TEDC1: variants seen among roughly 807,000 people sequenced by gnomAD.
TEDC1 encodes the protein tubulin epsilon and delta complex protein 1.
A neutral mutation model predicts 59.9 loss-of-function variants in TEDC1; 54 were observed. The ratio of observed to expected loss-of-function variants is 0.90; its 90% CI spans 0.72 to 1.13. TEDC1 has a LOEUF of 1.13. TEDC1 is among the 50% of genes most tolerant of loss of function. The pLI, the probability that TEDC1 is intolerant of heterozygous loss-of-function variation, is 0.00. For synonymous variants in TEDC1, 353 were observed against 298.1 expected (o/e 1.18, Z -1.90); for missense variants, 734 against 683.4 (o/e 1.07, Z -0.83).
chr14:105,491,079 C>G (rs2084193919), upstream of TEDC1: 2 of 1,551,388 alleles, frequency 1.3e-6, no homozygotes, highest in Non-Finnish European at 1.7e-6. Context: ...AAGGCGGGAC[C>G]CTGCCGACGC....
upstream of TEDC1, chr14:105,490,496 C>T (rs1178193124): frequency 2.0e-5 from 3 of 152,252 alleles, no homozygotes; most frequent in Admixed American, 6.5e-5. Flanking sequence ...CGGGGCCGCC[C>T]GTGCAGGCGG....
At chr14:105,493,966 G>A (rs782034453) in intron 5 of TEDC1, 33 bp downstream of exon 5, 4 of 800,820 alleles carry the variant, frequency 5.0e-6, no homozygotes, top group East Asian at 2.8e-5. Context: ...GGGGGGGTGG[G>A]GGTGGGCTGG....
chr14:105,493,989 G>A lies in TEDC1; in HGVS notation c.684+56G>A, dbSNP rs1247562831. The stretch of plus-strand genomic sequence containing the variant: ...GGGGGTGGGCTGGGGGGCACAGCAG[G>A]GGGACTGCCCAGGGTGGGAGGGGCC... On this transcript the variant is annotated intron_variant, in intron 5 of 8. Coordinates refer to ENST00000392523, the MANE Select transcript of TEDC1 (RefSeq NM_001367178.1). 58 of 796,210 alleles carry A rather than the reference G, an allele frequency of 7.3e-5. 1 individual carries two copies. Among genetic ancestry groups the A allele is most frequent in the Non-Finnish European group, 2.0e-5 (11 of 540,154 alleles). 49.3% of individuals were successfully genotyped at this position (796,210 alleles called of 1,614,324 possible). A position where few individuals can be genotyped will look rare whatever the true frequency, so the allele number is the denominator to read the frequency against.
intron 5 of TEDC1, chr14:105,494,176 C>T (rs1274219528): frequency 2.5e-5 from 14 of 569,938 alleles, no homozygotes; most frequent in African/African-American, 2.1e-4. Context: ...CGGGTGGGGG[C>T]CCAGGACGCA....
chr14:105,494,045 G>T, intron 5 of TEDC1, 112 bp downstream of exon 5: 2 of 811,996 alleles, frequency 2.5e-6, no homozygotes, highest in Non-Finnish European at 3.9e-6. Context: ...GGCCTCCAGC[G>T]GTGGGTGTCT....
Position 105,491,665 on chromosome 14 carries a change from T to TC in TEDC1, c.194dup (p.Ala66CysfsTer36), listed in dbSNP as rs1200389565. On this transcript the variant is annotated frameshift_variant, in exon 2 of 9. Transcript: ENST00000392523. LOFTEE classifies it high-confidence loss of function. ...CTCCTCTTCCGTGTGCTCTCGCCAC[T>TC]CCCTGCGGGCAACGCCTTGGCATCG... 1 of 1,549,586 alleles carries TC rather than the reference T, an allele frequency of 6.5e-7. No individual in the cohort carries two copies. The highest frequency in any genetic ancestry group is 8.7e-7 in the Non-Finnish European group (1 of 1,146,848).
chr14:105,493,974 TG>T (rs781991381), intron 5 of TEDC1, 41 bp downstream of exon 5: 2 of 167,744 alleles, frequency 1.2e-5, no homozygotes, highest in South Asian at 7.2e-5. Flanking sequence ...GGGGGTGGGC[TG>T]GGGGGCACAG....
chr14:105,491,802 C>T (rs2084218158), intron 2 of TEDC1, 102 bp downstream of exon 2: 8 of 1,335,632 alleles, frequency 6.0e-6, no homozygotes, highest in Admixed American at 4.0e-5. Context: ...AGGCTCTAGC[C>T]CCCACCCAAC....
In TEDC1 at chr14:105,499,016, A is replaced by T; in HGVS notation, c.*70A>T. 6.8e-7 allele frequency: 1 copy of T among 1,464,012 alleles called. No individual in the cohort carries two copies. Among genetic ancestry groups the T allele is most frequent in the Non-Finnish European group, 9.1e-7 (1 of 1,096,668 alleles). 90.7% of individuals were successfully genotyped at this position (1,464,012 alleles called of 1,614,324 possible). Reference sequence around the variant, plus strand: ...GCCTGGCTGGGTCTTGGAGGAGCAGATTCCAAGGCCAGGTGGCCGCAGGGA... The same window carrying T: ...GCCTGGCTGGGTCTTGGAGGAGCAGTTTCCAAGGCCAGGTGGCCGCAGGGA... On this transcript the variant is annotated 3_prime_UTR_variant, in exon 9 of 9. Coordinates refer to ENST00000392523, the MANE Select transcript of TEDC1 (RefSeq NM_001367178.1).
intron 5 of TEDC1, chr14:105,495,504 G>T (rs1469945853): frequency 4.4e-6 from 1 of 227,370 alleles, no homozygotes; most frequent in African/African-American, 2.3e-5. Flanking sequence ...GGCTTACAGG[G>T]CCCAACCCCT....
At chr14:105,496,143 A>AG (rs2084340597) in intron 6 of TEDC1, 57 bp downstream of exon 6, 6 of 37,084 alleles carry the variant, frequency 1.6e-4, no homozygotes, top group South Asian at 1.9e-3. Context: ...GGTGGGTGGG[A>AG]GGGGGTGGCG....
intron 7 of TEDC1, 53 bp from the exon 8 acceptor site, chr14:105,497,745 T>C (rs1417295172): frequency 4.1e-6 from 6 of 1,467,582 alleles, no homozygotes; most frequent in Non-Finnish European, 5.4e-6. Context: ...CTTTGCCCTC[T>C]GTCCCTCTGT....
chr14:105,492,180 T>A lies in TEDC1; in HGVS notation c.300T>A (p.Pro100=). 1.2e-6 allele frequency: 2 copies of A among 1,612,996 alleles called. No homozygotes were observed. Among genetic ancestry groups the A allele is most frequent in the South Asian group, 2.2e-5 (2 of 91,086 alleles). The change falls in exon 3 of 9, where the codon CCT becomes CCA. Residue 100 remains proline, a synonymous_variant. Coordinates refer to ENST00000392523, the MANE Select transcript of TEDC1 (RefSeq NM_001367178.1). Reference sequence around the variant, plus strand: ...CGAGGCTGGCACTGGCACAACTACCTGAGGATGGCTCGCAGGGCAGTCGGG... The same window carrying A: ...CGAGGCTGGCACTGGCACAACTACCAGAGGATGGCTCGCAGGGCAGTCGGG... ...GYPRLALAQL[P]EDGSQGSREL...
At position 105,493,942 on chromosome 14, in the gene TEDC1, G is replaced by A. The variant is rs201701957; in HGVS notation, c.684+9G>A. 567 of 1,352,090 alleles carry A rather than the reference G, an allele frequency of 4.2e-4. No homozygotes were observed. The highest frequency in any genetic ancestry group is 3.2e-4 in the Non-Finnish European group (309 of 979,410). The allele number at this position is 1,352,090 out of a possible 1,614,324, so 83.8% of individuals were successfully genotyped here. A position where few individuals can be genotyped will look rare whatever the true frequency, so the allele number is the denominator to read the frequency against. On this transcript the variant is annotated intron_variant, in intron 5 of 8. Transcript: ENST00000392523. ...CAGAGGGAGGCCAGCAGGTGAGGGC[G>A]GGCAAGCTGCTGCGGGGGGGTGGGG... is the stretch of plus-strand genomic sequence containing the variant.
chr14:105,495,026 A>G (rs2084313633), intron 5 of TEDC1: 1 of 152,114 alleles, frequency 6.6e-6, no homozygotes, highest in African/African-American at 2.4e-5. Flanking sequence ...ACCTGTCACC[A>G]CGTCCGGCTA....
chr14:105,496,147 G>GGGGGGCCCCCCCCC, intron 6 of TEDC1, 61 bp downstream of exon 6: 1 of 591,776 alleles, frequency 1.7e-6, no homozygotes, highest in Non-Finnish European at 2.7e-6. Flanking sequence ...GGTGGGAGGG[G>GGGGGGCCCCCCCCC]GTGGCGAGGG....
At chr14:105,493,459 C>T (rs1258551509) in intron 4 of TEDC1, among the ~76,000 whole-genome samples, 1 of 152,160 alleles carries the variant, frequency 6.6e-6, no homozygotes. Flanking sequence ...TCCCTAGATC[C>T]AAGCAGTCGT....
intron 5 of TEDC1, chr14:105,495,621 T>C: frequency 2.2e-6 from 1 of 451,976 alleles, no homozygotes; most frequent in Non-Finnish European, 4.0e-6. Flanking sequence ...TGAGGCAGCA[T>C]CCGGGCGTCC....
intron 5 of TEDC1, chr14:105,494,488 G>A (rs2084298802): frequency 6.4e-6 from 1 of 156,418 alleles, no homozygotes; most frequent in Admixed American, 6.3e-5. Context: ...CGTTCTGCTT[G>A]CTACACCCGG....
Sources: gnomAD v4.1 joint callset for allele counts (sites outside exome capture counted in the v4.1 genomes callset) on GRCh38, gnomAD v4.1.1 for gene constraint, MANE v1.5 for transcripts, NCBI Gene and HGNC (gene_info 2026-07-23, HGNC 2026-07-21) for gene names.